Variants in GABRB1 observed in about 807,000 individuals in gnomAD.
GABRB1 encodes the protein gamma-aminobutyric acid type A receptor subunit beta1, also known as gamma-aminobutyric acid receptor subunit beta-1.
In GABRB1, 17 loss-of-function variants were observed where a neutral mutation model predicts 51.6. The observed-to-expected ratio is 0.33, with a 90% CI of 0.23 to 0.49. GABRB1 has a LOEUF of 0.49. GABRB1 is among the 20% of genes least tolerant of loss of function. The pLI is 0.99. For missense variants in GABRB1, 410 were observed against 600.6 expected (o/e 0.68, Z 3.32); for synonymous variants, 247 against 218.9 (o/e 1.13, Z -1.14).
intron 1 of GABRB1, among the ~76,000 whole-genome samples, chr4:46,997,260 A>C (rs937910643): frequency 1.3e-5 from 2 of 152,054 alleles, no homozygotes; most frequent in African/African-American, 4.8e-5. Flanking sequence ...TGACTTTTAC[A>C]GTCAAATTAA....
In GABRB1 at chr4:47,098,012, G is replaced by T. The variant is rs533588254; in HGVS notation, c.241-63237G>T. ...TGAATCACTCATTTGGCCTTGCCAA[G>T]TTGGGATATACTTAGCAGCATATAT... On this transcript the variant is annotated intron_variant, in intron 3 of 8. Transcript: ENST00000295454. 3.3e-5 allele frequency among the ~76,000 whole-genome samples: 5 copies of T among 152,276 alleles called. No individual in the cohort carries two copies. In the South Asian group the frequency reaches 8.3e-4, roughly 25 times the overall value.
chr4:47,116,116 A>T (rs760503812), intron 3 of GABRB1, among the ~76,000 whole-genome samples: 1 of 152,198 alleles, frequency 6.6e-6, no homozygotes, highest in Non-Finnish European at 1.5e-5. Flanking sequence ...TTTACTTGCT[A>T]GTTGTATTTA....
intron 5 of GABRB1, among the ~76,000 whole-genome samples, chr4:47,354,400 T>C (rs1426129643): frequency 1.3e-5 from 2 of 152,324 alleles, no homozygotes; most frequent in East Asian, 3.9e-4. Context: ...CATTATTAAA[T>C]TATTCACAAA....
chr4:47,183,704 C>G (rs1204927123), intron 4 of GABRB1, among the ~76,000 whole-genome samples: 3 of 151,738 alleles, frequency 2.0e-5, no homozygotes, highest in Non-Finnish European at 4.4e-5. Context: ...CCTCTCAATC[C>G]CTGCTAGTGT....
At chr4:47,133,925 A>C (rs1365437532) in intron 3 of GABRB1, among the ~76,000 whole-genome samples, 1 of 152,174 alleles carries the variant, frequency 6.6e-6, no homozygotes, top group Admixed American at 6.6e-5. Context: ...ATTTTCATTC[A>C]CTAGCTTTAG....
At chr4:47,087,610 A>G (rs1456212674) in intron 3 of GABRB1, among the ~76,000 whole-genome samples, 1 of 151,856 alleles carries the variant, frequency 6.6e-6, no homozygotes, top group Non-Finnish European at 1.5e-5. Context: ...GTCAAATTCT[A>G]GAATATCTAG....
chr4:47,194,489 A>C (rs1443863107), intron 4 of GABRB1, among the ~76,000 whole-genome samples: 2 of 152,190 alleles, frequency 1.3e-5, no homozygotes, highest in Non-Finnish European at 2.9e-5. Flanking sequence ...ATTCCAGAAA[A>C]AAAAGTTATT....
chr4:47,309,854 A>T (rs893621126), intron 4 of GABRB1, among the ~76,000 whole-genome samples: 5 of 152,152 alleles, frequency 3.3e-5, no homozygotes, highest in Admixed American at 3.3e-4. Context: ...TACTCTGATA[A>T]TGTATTTGTA....
At chr4:47,236,336 A>G (rs1174141225) in intron 4 of GABRB1, among the ~76,000 whole-genome samples, 2 of 152,154 alleles carry the variant, frequency 1.3e-5, no homozygotes, top group African/African-American at 4.8e-5. Flanking sequence ...GTAAAAAAAA[A>G]AGTCATTTTA....
At chr4:47,395,322 G>C (rs76196320) in intron 5 of GABRB1, among the ~76,000 whole-genome samples, 3,669 of 152,220 alleles carry the variant, frequency 0.024, 160 homozygotes, top group African/African-American at 0.085. Flanking sequence ...TCTTACCATG[G>C]TGCAGCAGAA....
At chr4:47,318,446 T>TCAA (rs926824864) in intron 4 of GABRB1, among the ~76,000 whole-genome samples, 4 of 152,060 alleles carry the variant, frequency 2.6e-5, no homozygotes, top group South Asian at 2.1e-4. Context: ...ATCATCATCA[T>TCAA]CAACAACAAC....
chr4:47,292,844 C>T (rs1723801880), intron 4 of GABRB1, among the ~76,000 whole-genome samples: 1 of 152,052 alleles, frequency 6.6e-6, no homozygotes, highest in Non-Finnish European at 1.5e-5. Context: ...AGGGAGGGGG[C>T]TGAAATCCCT....
chr4:47,066,407 T>C (rs1471264005), intron 3 of GABRB1, among the ~76,000 whole-genome samples: 1 of 152,226 alleles, frequency 6.6e-6, no homozygotes, highest in East Asian at 1.9e-4. Context: ...CATGAAAGAC[T>C]TCTCTATAGC....
intron 8 of GABRB1, among the ~76,000 whole-genome samples, chr4:47,408,965 A>C (rs1318865672): frequency 6.6e-6 from 1 of 152,336 alleles, no homozygotes; most frequent in East Asian, 1.9e-4. Flanking sequence ...ATAATGAAGA[A>C]AGCAGGGCCC....
intron 4 of GABRB1, among the ~76,000 whole-genome samples, chr4:47,226,085 G>T (rs906128762): frequency 3.3e-5 from 5 of 152,020 alleles, no homozygotes; most frequent in African/African-American, 1.2e-4. Context: ...ATTAAACATA[G>T]TTCTAGGTAT....
intron 4 of GABRB1, among the ~76,000 whole-genome samples, chr4:47,290,759 G>T (rs1482730897): frequency 2.0e-5 from 3 of 152,162 alleles, no homozygotes; most frequent in Non-Finnish European, 4.4e-5. Context: ...CTGCCCTAGA[G>T]ATCGGTGGAA....
chr4:47,163,424 C>T (rs1210184857), intron 4 of GABRB1, among the ~76,000 whole-genome samples: 1 of 151,894 alleles, frequency 6.6e-6, no homozygotes, highest in Non-Finnish European at 1.5e-5. Context: ...TAATTGAGTG[C>T]CTATTATCTG....
intron 3 of GABRB1, among the ~76,000 whole-genome samples, chr4:47,043,806 G>A (rs185269464): frequency 9.8e-4 from 149 of 152,124 alleles, no homozygotes; most frequent in Admixed American, 9.6e-3. Context: ...GTCATTATTA[G>A]AACTTGATGT....
At chr4:47,072,396 A>G (rs1183638329) in intron 3 of GABRB1, among the ~76,000 whole-genome samples, 1 of 152,224 alleles carries the variant, frequency 6.6e-6, no homozygotes, top group Non-Finnish European at 1.5e-5. Context: ...AGCAGGTTAT[A>G]TATTCAAGCC....
Sources: allele counts gnomAD v4.1 joint callset (sites outside exome capture counted in the v4.1 genomes callset), GRCh38; gene constraint gnomAD v4.1.1; transcripts MANE v1.5; gene names NCBI Gene and HGNC (gene_info 2026-07-23, HGNC 2026-07-21).